Variants in TEX11 observed in about 807,000 individuals in gnomAD.
TEX11 encodes testis expressed 11.
Under a neutral mutation model 84.4 loss-of-function variants are expected in TEX11, and 7 were observed. That is an observed-to-expected ratio of 0.08 (90% confidence interval 0.05 to 0.16). TEX11 has a LOEUF of 0.16. Among genes scored for constraint, TEX11 ranks in the 10% least tolerant of loss-of-function variants. TEX11 has a pLI of 1.00. For synonymous variants in TEX11, 264 were observed against 222.8 expected (o/e 1.18, Z -1.64); for missense variants, 551 against 660.5 (o/e 0.83, Z 1.82).
intron 14 of TEX11, among the ~76,000 whole-genome samples, chrX:70,681,532 G>T (rs1234157846): frequency 8.9e-6 from 1 of 111,824 alleles, no homozygotes; most frequent in East Asian, 2.8e-4. Context: ...ACTTTTTCTT[G>T]ACCACTTGAG....
chrX:70,698,041 C>T (rs1453132287), intron 13 of TEX11, among the ~76,000 whole-genome samples: 1 of 110,223 alleles, frequency 9.1e-6, no homozygotes, highest in African/African-American at 3.3e-5. Context: ...ATAATATGTA[C>T]ATTTTTATAA....
intron 11 of TEX11, among the ~76,000 whole-genome samples, chrX:70,728,205 G>C (rs2090614207): frequency 8.9e-6 from 1 of 112,631 alleles, no homozygotes; most frequent in African/African-American, 3.2e-5. Flanking sequence ...GGCTGAATAG[G>C]AACAGCTCCA....
chrX:70,634,874 A>G (rs1425133021), intron 17 of TEX11, among the ~76,000 whole-genome samples: 3 of 112,510 alleles, frequency 2.7e-5, no homozygotes, highest in African/African-American at 9.7e-5. Context: ...CTCAACTACA[A>G]TGCCAAAAGC....
chrX:70,534,936 G>T (rs906650837), intron 28 of TEX11, among the ~76,000 whole-genome samples: 11 of 110,098 alleles, frequency 1.0e-4, no homozygotes, highest in African/African-American at 3.6e-4. Context: ...TATTCCCCCT[G>T]CCCCCAGCCA....
intron 28 of TEX11, among the ~76,000 whole-genome samples, chrX:70,539,038 A>ATATATATATATT: frequency 2.4e-3 from 97 of 41,225 alleles, no homozygotes; most frequent in South Asian, 0.018. Flanking sequence ...ATATATATAT[A>ATATATATATATT]TTTTTTTTTT....
At chrX:70,514,593 T>TAAAA in the TEX11 span, among the ~76,000 whole-genome samples, 1 of 88,396 alleles carries the variant, frequency 1.1e-5, no homozygotes, top group Non-Finnish European at 2.2e-5. Context: ...AGACTCCATC[T>TAAAA]AAAAAAAAAA....
intron 24 of TEX11, among the ~76,000 whole-genome samples, chrX:70,593,510 A>G (rs754434301): frequency 1.1e-3 from 125 of 112,186 alleles, no homozygotes; most frequent in Non-Finnish European, 1.8e-3. Flanking sequence ...TGACTTCTAC[A>G]TAGGAAAAAA....
intron 20 of TEX11, among the ~76,000 whole-genome samples, chrX:70,621,800 T>C (rs1281094828): frequency 9.4e-6 from 1 of 106,423 alleles, no homozygotes; most frequent in African/African-American, 3.4e-5. Context: ...AAGTCTGGTT[T>C]ATATAAAGTA....
At chrX:70,699,968 C>G (rs984635078) in intron 13 of TEX11, among the ~76,000 whole-genome samples, 1 of 111,665 alleles carries the variant, frequency 9.0e-6, no homozygotes, top group Non-Finnish European at 1.9e-5. Flanking sequence ...CCCATGTACC[C>G]TCACCCAGTT....
intron 15 of TEX11, among the ~76,000 whole-genome samples, chrX:70,672,582 C>T: frequency 8.9e-6 from 1 of 111,738 alleles, no homozygotes; most frequent in Non-Finnish European, 1.9e-5. Flanking sequence ...TTTTCGTTTG[C>T]ATTTCCCTAA....
chrX:70,585,237 A>G (rs894508364), intron 25 of TEX11, among the ~76,000 whole-genome samples: 1 of 112,317 alleles, frequency 8.9e-6, no homozygotes, highest in Non-Finnish European at 1.9e-5. Context: ...AGCAATGAAC[A>G]ATCTAAAGAG....
chrX:70,907,864 A>T, intron 1 of TEX11, 54 bp from the exon 2 acceptor site: 1 of 797,304 alleles, frequency 1.3e-6, no homozygotes, highest in Non-Finnish European at 1.9e-6. Context: ...GTTTCTCAAC[A>T]AATTTCTTTC....
chrX:70,583,975 C>A (rs2088815300), intron 25 of TEX11, among the ~76,000 whole-genome samples: 1 of 112,132 alleles, frequency 8.9e-6, no homozygotes, highest in Non-Finnish European at 1.9e-5. Flanking sequence ...AATTAGATAA[C>A]TTAGATAAAA....
chrX:70,780,542 C>T (rs2091032054), intron 9 of TEX11, among the ~76,000 whole-genome samples: 1 of 112,009 alleles, frequency 8.9e-6, no homozygotes, highest in Non-Finnish European at 1.9e-5. Flanking sequence ...CTGAGGACTT[C>T]CCTTTCCTAG....
At chrX:70,777,889 G>C (rs765956319) in intron 9 of TEX11, among the ~76,000 whole-genome samples, 9 of 111,570 alleles carry the variant, frequency 8.1e-5, no homozygotes, top group African/African-American at 2.9e-4. Flanking sequence ...CAATAGTTAA[G>C]TCCTTACTTA....
chrX:70,714,326 A>C (rs960229398), intron 13 of TEX11, among the ~76,000 whole-genome samples: 1 of 111,277 alleles, frequency 9.0e-6, no homozygotes, highest in African/African-American at 3.3e-5. Flanking sequence ...TGCAGAGCTG[A>C]GTTCAGTTCC....
chrX:70,900,698 A>G (rs1223112007), intron 2 of TEX11, among the ~76,000 whole-genome samples: 5 of 111,142 alleles, frequency 4.5e-5, no homozygotes. Context: ...TCATGCCTAT[A>G]ATCCCAGCAG....
At chrX:70,743,871 A>AACAC (rs60520158) in intron 10 of TEX11, among the ~76,000 whole-genome samples, 30,416 of 87,373 alleles carry the variant, frequency 0.35, 5,493 homozygotes, top group Non-Finnish European at 0.47. Context: ...TCTATCTCAA[A>AACAC]ACACACACAC....
intron 9 of TEX11, among the ~76,000 whole-genome samples, chrX:70,768,916 C>CA (rs1259948584): frequency 9.0e-6 from 1 of 111,355 alleles, no homozygotes; most frequent in Non-Finnish European, 1.9e-5. Context: ...AAATCAAGAA[C>CA]AAAAAAGAAA....
Sources: allele counts gnomAD v4.1 joint callset (sites outside exome capture counted in the v4.1 genomes callset), GRCh38; gene constraint gnomAD v4.1.1; transcripts MANE v1.5; gene names NCBI Gene and HGNC (gene_info 2026-07-23, HGNC 2026-07-21).